The following ADGRL2 variants were observed in gnomAD, a reference collection of about 807,000 sequenced individuals.
ADGRL2 encodes adhesion G protein-coupled receptor L2, also known as calcium-independent alpha-latrotoxin receptor 2.
Under a neutral mutation model 157.4 loss-of-function variants are expected in ADGRL2, and 44 were observed. The observed-to-expected ratio is 0.28, with a 90% confidence interval of 0.22 to 0.36. The LOEUF (loss-of-function observed/expected upper bound fraction) is 0.36. Among genes scored for constraint, ADGRL2 ranks in the 10% least tolerant of loss-of-function variants. The pLI is 1.00. For missense variants in ADGRL2, 1,510 were observed against 1,768.9 expected (o/e 0.85, Z 2.63); for synonymous variants, 585 against 624.7 (o/e 0.94, Z 0.95).
intron 11 of ADGRL2, among the ~76,000 whole-genome samples, chr1:81,962,260 A>G (rs184732860): frequency 3.9e-5 from 6 of 152,232 alleles, no homozygotes; most frequent in Admixed American, 2.6e-4. Flanking sequence ...TTAATTTACA[A>G]TTTCCGTGAT....
chr1:81,637,795 G>A (rs1175485640), intron 3 of ADGRL2, among the ~76,000 whole-genome samples: 1 of 152,004 alleles, frequency 6.6e-6, no homozygotes, highest in African/African-American at 2.4e-5. Flanking sequence ...AGATTTAAGA[G>A]ATTAATCATA....
chr1:81,800,293 A>C (rs2087839900), upstream of ADGRL2: 1 of 152,204 alleles, frequency 6.6e-6, no homozygotes, highest in African/African-American at 2.4e-5. Flanking sequence ...TCGCAATTTA[A>C]AAAAATGTAA....
intron 1 of ADGRL2, among the ~76,000 whole-genome samples, chr1:81,421,727 T>C (rs946321984): frequency 6.6e-6 from 1 of 151,964 alleles, no homozygotes; most frequent in Non-Finnish European, 1.5e-5. Flanking sequence ...CCAGAATATA[T>C]AGCCTTGTGA....
At chr1:81,399,880 T>A (rs1329050295) in intron 1 of ADGRL2, among the ~76,000 whole-genome samples, 2 of 152,164 alleles carry the variant, frequency 1.3e-5, no homozygotes, top group African/African-American at 4.8e-5. Flanking sequence ...CCTGTGTTGA[T>A]GTTGATGTCT....
intron 11 of ADGRL2, among the ~76,000 whole-genome samples, chr1:81,965,024 A>G (rs145656147): frequency 6.6e-6 from 1 of 152,278 alleles, no homozygotes; most frequent in African/African-American, 2.4e-5. Flanking sequence ...GTAAACATTT[A>G]TATTGTTAGT....
intron 1 of ADGRL2, among the ~76,000 whole-genome samples, chr1:81,816,363 ATTC>A (rs1215019305): frequency 6.6e-6 from 1 of 151,842 alleles, no homozygotes; most frequent in Non-Finnish European, 1.5e-5. Context: ...TTTTTGCACT[ATTC>A]TTAAGAATAC....
At chr1:81,666,177 C>A (rs2082747094) in intron 3 of ADGRL2, among the ~76,000 whole-genome samples, 1 of 152,138 alleles carries the variant, frequency 6.6e-6, no homozygotes, top group Non-Finnish European at 1.5e-5. Context: ...TGTTTAAGTG[C>A]ATTTATTTCC....
chr1:81,543,876 C>T (rs946334450), intron 2 of ADGRL2, among the ~76,000 whole-genome samples: 2 of 152,174 alleles, frequency 1.3e-5, no homozygotes, highest in Admixed American at 6.5e-5. Context: ...CAACTTCATA[C>T]GTCTGTTGAA....
At chr1:81,560,372 A>G (rs2080412024) in intron 2 of ADGRL2, among the ~76,000 whole-genome samples, 1 of 152,196 alleles carries the variant, frequency 6.6e-6, no homozygotes, top group African/African-American at 2.4e-5. Context: ...TAGGAAAACT[A>G]TAGCCTCCAT....
rs1429757240 is a variant in ADGRL2 at position 81,992,277 on chromosome 1, A to C, written c.*1132A>C. 1 of 152,578 alleles carries C rather than the reference A, an allele frequency of 6.6e-6. No individual in the cohort carries two copies. The highest frequency in any genetic ancestry group is 1.5e-5 in the Non-Finnish European group (1 of 68,026). 9.5% of individuals were successfully genotyped at this position (152,578 alleles called of 1,614,324 possible). A position where few individuals can be genotyped will look rare whatever the true frequency, so the allele number is the denominator to read the frequency against. ...TAGTAATTAATTTATTTTATGATAA[A>C]GTTCTAATGAAATGTAAATTGTTTC... On this transcript the variant is annotated 3_prime_UTR_variant, in exon 24 of 24. Transcript: ENST00000686636.
chr1:81,405,843 T>C (rs981010155), intron 1 of ADGRL2, among the ~76,000 whole-genome samples: 2 of 152,116 alleles, frequency 1.3e-5, no homozygotes, highest in African/African-American at 4.8e-5. Flanking sequence ...TTATACATAA[T>C]GCCTATATAT....
intron 2 of ADGRL2, among the ~76,000 whole-genome samples, chr1:81,554,509 G>A (rs12090609): frequency 0.43 from 65,528 of 150,878 alleles, 15,726 homozygotes; most frequent in East Asian, 0.58. Context: ...AAAAATTTTT[G>A]AATGTAATAA....
At chr1:81,379,345 A>G (rs1244920630) in intron 1 of ADGRL2, among the ~76,000 whole-genome samples, 4 of 152,230 alleles carry the variant, frequency 2.6e-5, no homozygotes, top group African/African-American at 9.6e-5. Flanking sequence ...CAGTGGGCCT[A>G]TGTTACAGGG....
At chr1:81,563,818 A>C (rs2148464466) in intron 2 of ADGRL2, among the ~76,000 whole-genome samples, 1 of 152,326 alleles carries the variant, frequency 6.6e-6, no homozygotes, top group African/African-American at 2.4e-5. Flanking sequence ...ATGTATGTGC[A>C]TGAGCAAAAA....
At chr1:81,869,692 G>T (rs181853309) in intron 2 of ADGRL2, among the ~76,000 whole-genome samples, 66 of 150,362 alleles carry the variant, frequency 4.4e-4, no homozygotes, top group Non-Finnish European at 8.1e-4. Flanking sequence ...CAAAACTGTT[G>T]ATTAAATGTA....
At chr1:81,502,584 A>G (rs551113943) in intron 2 of ADGRL2, 119 of 1,613,978 alleles carry the variant, frequency 7.4e-5, no homozygotes, top group Non-Finnish European at 9.4e-5. Flanking sequence ...ATCATCAACA[A>G]GAAGATCTGG....
At chr1:81,480,894 T>C (rs981372543) in intron 2 of ADGRL2, among the ~76,000 whole-genome samples, 32 of 152,220 alleles carry the variant, frequency 2.1e-4, no homozygotes, top group Non-Finnish European at 2.9e-5. Flanking sequence ...GACAATTTTA[T>C]CAACTTAAAT....
chr1:81,840,309 A>G (rs2092516382), intron 2 of ADGRL2, among the ~76,000 whole-genome samples: 1 of 152,142 alleles, frequency 6.6e-6, no homozygotes, highest in South Asian at 2.1e-4. Context: ...CGTGTATACC[A>G]TAGAATAGCC....
intron 3 of ADGRL2, among the ~76,000 whole-genome samples, chr1:81,655,480 C>T (rs1222297899): frequency 6.6e-6 from 1 of 152,158 alleles, no homozygotes; most frequent in Admixed American, 6.6e-5. Flanking sequence ...TTACTGGCTC[C>T]AGTTTCCAGT....
Sources: gnomAD v4.1 joint callset for allele counts (sites outside exome capture counted in the v4.1 genomes callset) on GRCh38, gnomAD v4.1.1 for gene constraint, MANE v1.5 for transcripts, NCBI Gene and HGNC (gene_info 2026-07-23, HGNC 2026-07-21) for gene names.